MINDY4: variants seen among roughly 807,000 people sequenced by gnomAD.
MINDY4 encodes the protein probable ubiquitin carboxyl-terminal hydrolase MINDY-4.
MINDY4 carries 68 observed loss-of-function variants against 87.0 expected under a neutral mutation model. The ratio of observed to expected loss-of-function variants is 0.78; its 90% CI spans 0.64 to 0.96. The LOEUF (loss-of-function observed/expected upper bound fraction) is 0.96. MINDY4 is among the 40% of genes least tolerant of loss of function. MINDY4 has a pLI of 0.00. For synonymous variants in MINDY4, 379 were observed against 363.2 expected (o/e 1.04, Z -0.50); for missense variants, 919 against 928.2 (o/e 0.99, Z 0.13).
chr7:30,822,021 A>T (rs57778402), intron 5 of MINDY4, among the ~76,000 whole-genome samples: 15,188 of 151,982 alleles, frequency 0.1, 1,160 homozygotes, highest in African/African-American at 0.2. Context: ...TATTAATCGT[A>T]TTTATATATA....
chr7:30,810,228 G>A (rs1787945412), intron 5 of MINDY4, among the ~76,000 whole-genome samples: 1 of 148,444 alleles, frequency 6.7e-6, no homozygotes, highest in African/African-American at 2.5e-5. Context: ...GAAAGTTGAG[G>A]CATGTCGAAG....
rs537717030 is a variant in MINDY4, at chr7:30,810,557, A to G, written c.1074-18122A>G. Among the ~76,000 whole-genome samples, 239 of 152,104 alleles carry G rather than the reference A, an allele frequency of 1.6e-3. 2 individuals carry two copies. The highest frequency in any genetic ancestry group is 5.5e-3 in the African/African-American group (229 of 41,550). ...AGCTACAGTTAAAGGGGTATCATCC[A>G]GTTTTTCTGTGAACTGGACATTAAA... On this transcript the variant is annotated intron_variant, in intron 5 of 17. Coordinates refer to ENST00000265299, the MANE Select transcript of MINDY4 (RefSeq NM_032222.3).
At chr7:30,774,914 C>T (rs1259217470) in intron 1 of MINDY4, among the ~76,000 whole-genome samples, 3 of 152,086 alleles carry the variant, frequency 2.0e-5, no homozygotes, top group Non-Finnish European at 1.5e-5. Context: ...GATTCCCATA[C>T]CATCTATATG....
At chr7:30,866,018 G>A (rs1353016124) in intron 13 of MINDY4, among the ~76,000 whole-genome samples, 2 of 152,226 alleles carry the variant, frequency 1.3e-5, no homozygotes, top group Non-Finnish European at 2.9e-5. Flanking sequence ...GCTAAAGCAA[G>A]CCAACTGTGC....
At chr7:30,864,478 A>G (rs1789866616) in intron 13 of MINDY4, among the ~76,000 whole-genome samples, 2 of 152,246 alleles carry the variant, frequency 1.3e-5, no homozygotes, top group African/African-American at 4.8e-5. Context: ...AGGAACCCAG[A>G]CATTGTCTTT....
At position 30,839,287 on chromosome 7, in the gene MINDY4, T is replaced by G. The variant is rs1788961851; in HGVS notation, c.1327T>G (p.Ser443Ala). 1 of 1,610,840 alleles carries G rather than the reference T, an allele frequency of 6.2e-7. No individual in the cohort carries two copies. The highest frequency in any genetic ancestry group is 1.3e-5 in the African/African-American group (1 of 74,774). ...LQSFSFSNTA[S>A]LKYGIVQNKG... ...GAGTTTTTCCTTTAGTAACACAGCC[T>G]CATTAAAATACGGCATAGTGCAGAA... Residue 443 changes from serine (S) to alanine (A), a missense_variant, in exon 8 of 18, where the codon TCA becomes GCA. Physicochemically the swap from Ser to Ala is moderately conservative, Grantham distance 99. Transcript: ENST00000265299.
chr7:30,857,073 C>G (rs1562556032), intron 12 of MINDY4, among the ~76,000 whole-genome samples: 2 of 152,180 alleles, frequency 1.3e-5, no homozygotes, highest in African/African-American at 4.8e-5. Context: ...GTTGTTGATT[C>G]ATTCATTCCA....
At chr7:30,872,726 C>T (rs555803220) in intron 14 of MINDY4, among the ~76,000 whole-genome samples, 7 of 152,302 alleles carry the variant, frequency 4.6e-5, no homozygotes, top group East Asian at 3.9e-4. Context: ...TTATAGCCAC[C>T]CTTCCCTTTG....
At chr7:30,883,044 G>A in intron 17 of MINDY4, 51 bp downstream of exon 17, 1 of 1,584,368 alleles carries the variant, frequency 6.3e-7, no homozygotes, top group South Asian at 1.1e-5. Context: ...TAGCTTTGAG[G>A]AGCCATGGTT....
At chr7:30,815,146 C>T (rs1788109487) in intron 5 of MINDY4, among the ~76,000 whole-genome samples, 1 of 152,224 alleles carries the variant, frequency 6.6e-6, no homozygotes, top group Non-Finnish European at 1.5e-5. Context: ...CATCTCCACA[C>T]AGCTTTTCAG....
intron 17 of MINDY4, 59 bp from the exon 18 acceptor site, chr7:30,891,898 T>C (rs1259432832): frequency 2.6e-6 from 4 of 1,555,384 alleles, no homozygotes; most frequent in Non-Finnish European, 2.7e-6. Flanking sequence ...AGAGATGGGC[T>C]CTCATCTGGG....
chr7:30,850,695 C>A, intron 10 of MINDY4, 140 bp downstream of exon 10: 1 of 760,612 alleles, frequency 1.3e-6, no homozygotes, highest in Non-Finnish European at 2.2e-6. Flanking sequence ...TGCAAGCCAG[C>A]CTGATGTGCT....
chr7:30,807,820 G>A (rs542531387), intron 5 of MINDY4, among the ~76,000 whole-genome samples: 1 of 152,282 alleles, frequency 6.6e-6, no homozygotes, highest in South Asian at 2.1e-4. Context: ...AGTTGATCAC[G>A]ACCCTCTCAC....
At chr7:30,823,088 A>T (rs2036841697) in intron 5 of MINDY4, among the ~76,000 whole-genome samples, 1 of 151,878 alleles carries the variant, frequency 6.6e-6, no homozygotes, top group South Asian at 2.1e-4. Flanking sequence ...TACATAAGTG[A>T]TGTTGTATAT....
intron 5 of MINDY4, among the ~76,000 whole-genome samples, chr7:30,819,927 A>C (rs1370634944): frequency 5.9e-5 from 6 of 102,306 alleles, no homozygotes; most frequent in African/African-American, 2.4e-4. Flanking sequence ...TTTGAGACGG[A>C]GTCTCGCTCT....
At chr7:30,867,595 AG>A (rs1284830643) in intron 13 of MINDY4, among the ~76,000 whole-genome samples, 1 of 152,210 alleles carries the variant, frequency 6.6e-6, no homozygotes, top group South Asian at 2.1e-4. Context: ...TTAGAGCCCA[AG>A]TTCTCTTGGT....
At chr7:30,789,993 C>A (rs772358086) in intron 4 of MINDY4, among the ~76,000 whole-genome samples, 2 of 152,102 alleles carry the variant, frequency 1.3e-5, no homozygotes, top group Non-Finnish European at 2.9e-5. Context: ...ACACCAGAGG[C>A]GAATTAAGAA....
chr7:30,865,812 C>T (rs367978512), intron 13 of MINDY4, among the ~76,000 whole-genome samples: 6 of 152,214 alleles, frequency 3.9e-5, no homozygotes, highest in Admixed American at 3.9e-4. Context: ...GGCAGCATCA[C>T]CTGAGGCTCC....
chr7:30,875,686 A>C, intron 15 of MINDY4, 30 bp downstream of exon 15: 1 of 1,579,796 alleles, frequency 6.3e-7, no homozygotes, highest in Non-Finnish European at 8.6e-7. Context: ...CACCACAAGT[A>C]GGGGAGCCTG....
Sources: allele counts gnomAD v4.1 joint callset (sites outside exome capture counted in the v4.1 genomes callset), GRCh38; gene constraint gnomAD v4.1.1; transcripts MANE v1.5; gene names NCBI Gene and HGNC (gene_info 2026-07-23, HGNC 2026-07-21).